FGF12: variants seen among roughly 807,000 people sequenced by gnomAD.
FGF12 encodes the protein fibroblast growth factor 12.
A neutral mutation model predicts 23.6 loss-of-function variants in FGF12; 14 were observed. The ratio of observed to expected loss-of-function variants is 0.59; its 90% CI spans 0.39 to 0.93. The LOEUF is 0.93. FGF12 is among the 40% of genes least tolerant of loss of function. The probability of loss-of-function intolerance (pLI) is 0.00; values close to 1 mark genes in which losing one functional copy is unlikely to be tolerated. For missense variants in FGF12, 175 were observed against 217.8 expected, an observed-to-expected ratio of 0.80 and a Z score of 1.24; for synonymous variants, 62 against 77.3, an observed-to-expected ratio of 0.80 and a Z score of 1.04.
intron 4 of FGF12, among the ~76,000 whole-genome samples, chr3:192,334,411 T>C (rs2108697950): frequency 6.6e-6 from 1 of 152,232 alleles, no homozygotes; most frequent in East Asian, 1.9e-4. Context: ...AATAACCTTG[T>C]GCTATTTACT....
At chr3:192,711,336 A>G (rs1325879521) in intron 2 of FGF12, among the ~76,000 whole-genome samples, 1 of 150,914 alleles carries the variant, frequency 6.6e-6, no homozygotes, top group African/African-American at 2.4e-5. Context: ...GGTGGGGGGC[A>G]TCTCCGCCCA....
chr3:192,203,848 C>A (rs1008405679), intron 4 of FGF12, among the ~76,000 whole-genome samples: 36 of 152,082 alleles, frequency 2.4e-4, no homozygotes, highest in Admixed American at 2.4e-3. Flanking sequence ...AAAAAATCCT[C>A]CTGCTTTATA....
chr3:192,653,720 C>CTTTT (rs34906808), intron 2 of FGF12, among the ~76,000 whole-genome samples: 74,162 of 140,334 alleles, frequency 0.53, 20,038 homozygotes, highest in East Asian at 0.66. Context: ...TCATTTGAGG[C>CTTTT]TTTTTTTTTT....
chr3:192,645,766 G>GT (rs2108670415), intron 2 of FGF12, among the ~76,000 whole-genome samples: 1 of 23,712 alleles, frequency 4.2e-5, no homozygotes, highest in Non-Finnish European at 8.3e-5. Context: ...GACAAAACAG[G>GT]TAAAAAAAAA....
chr3:192,476,362 G>A (rs1723323869), intron 2 of FGF12, among the ~76,000 whole-genome samples: 1 of 152,106 alleles, frequency 6.6e-6, no homozygotes, highest in Admixed American at 6.5e-5. Context: ...AAAAGTGGCA[G>A]AATCTAAATG....
rs914667236 is a variant in FGF12 at position 192,380,248 on chromosome 3, C to T, written c.14-19710G>A. Among the ~76,000 whole-genome samples the T allele has an allele frequency of 2.0e-5, 3 of 152,156 alleles. 1 individual carries two copies. The highest frequency in any genetic ancestry group is 4.4e-5 in the Non-Finnish European group (3 of 68,028). ...TACAATTTACTGCACTGCAGATAAACCTTTAGGCAAAGCATATTTCATCTG... is the reference window on the plus strand; with the variant it reads ...TACAATTTACTGCACTGCAGATAAATCTTTAGGCAAAGCATATTTCATCTG... On this transcript the variant is annotated intron_variant, in intron 2 of 5. Transcript: ENST00000445105.
chr3:192,281,675 CAA>C (rs776742331), intron 4 of FGF12, among the ~76,000 whole-genome samples: 5 of 152,022 alleles, frequency 3.3e-5, no homozygotes, highest in Non-Finnish European at 5.9e-5. Flanking sequence ...AACACATGGG[CAA>C]ACAGTTTTCA....
At chr3:192,319,433 C>T (rs1716412610) in intron 4 of FGF12, among the ~76,000 whole-genome samples, 1 of 151,936 alleles carries the variant, frequency 6.6e-6, no homozygotes. Context: ...TTCGCCTCTA[C>T]TAAAAATACA....
At chr3:192,305,415 A>C (rs1715567986) in intron 4 of FGF12, among the ~76,000 whole-genome samples, 1 of 151,940 alleles carries the variant, frequency 6.6e-6, no homozygotes, top group African/African-American at 2.4e-5. Context: ...ATACACGTCG[A>C]GCTGCCCTTT....
At chr3:192,576,254 C>G (rs1712878173) in intron 2 of FGF12, among the ~76,000 whole-genome samples, 1 of 152,108 alleles carries the variant, frequency 6.6e-6, no homozygotes, top group Non-Finnish European at 1.5e-5. Flanking sequence ...ATATGTAAAA[C>G]AATTTCATAT....
At chr3:192,576,402 A>G (rs1443677687) in intron 2 of FGF12, among the ~76,000 whole-genome samples, 1 of 152,200 alleles carries the variant, frequency 6.6e-6, no homozygotes, top group Non-Finnish European at 1.5e-5. Flanking sequence ...TTTTAGAACA[A>G]CTGACTCTAA....
intron 2 of FGF12, among the ~76,000 whole-genome samples, chr3:192,620,362 C>A (rs955162928): frequency 2.0e-5 from 3 of 152,122 alleles, no homozygotes; most frequent in African/African-American, 7.2e-5. Flanking sequence ...TTACAGTAAT[C>A]GGAGAGTTTG....
chr3:192,405,518 C>A (rs1257897370), intron 2 of FGF12, among the ~76,000 whole-genome samples: 1 of 151,152 alleles, frequency 6.6e-6, no homozygotes, highest in East Asian at 1.9e-4. Flanking sequence ...TTTATCAGGA[C>A]AAATTATTCC....
intron 2 of FGF12, among the ~76,000 whole-genome samples, chr3:192,723,559 T>C (rs563806660): frequency 6.6e-6 from 1 of 152,154 alleles, no homozygotes; most frequent in South Asian, 2.1e-4. Context: ...TCTAACAAGC[T>C]CCCAGGTGAT....
intron 2 of FGF12, among the ~76,000 whole-genome samples, chr3:192,719,877 T>A (rs1225974816): frequency 1.1e-4 from 16 of 152,066 alleles, no homozygotes. Flanking sequence ...CCCAAGTATC[T>A]GAAAAGAAAT....
chr3:192,437,919 T>C (rs1316148026), intron 2 of FGF12, among the ~76,000 whole-genome samples: 1 of 152,188 alleles, frequency 6.6e-6, no homozygotes, highest in African/African-American at 2.4e-5. Context: ...CTTCCTTCTT[T>C]TGTCCCTGAA....
intron 4 of FGF12, among the ~76,000 whole-genome samples, chr3:192,177,713 TTTCA>T (rs1715939608): frequency 6.6e-6 from 1 of 152,216 alleles, no homozygotes; most frequent in South Asian, 2.1e-4. Context: ...GCATGTCCCA[TTTCA>T]AATCCTTCAC....
chr3:192,430,241 T>C (rs1355152025), intron 2 of FGF12, among the ~76,000 whole-genome samples: 1 of 152,112 alleles, frequency 6.6e-6, no homozygotes, highest in African/African-American at 2.4e-5. Flanking sequence ...GAGGGCATTA[T>C]GCCACATGAA....
chr3:192,442,746 G>A (rs1210848896), intron 2 of FGF12, among the ~76,000 whole-genome samples: 1 of 151,668 alleles, frequency 6.6e-6, no homozygotes, highest in Non-Finnish European at 1.5e-5. Context: ...ACTGAGATGA[G>A]CCCTAGCTAA....
Sources: allele counts gnomAD v4.1 joint callset (sites outside exome capture counted in the v4.1 genomes callset), GRCh38; gene constraint gnomAD v4.1.1; transcripts MANE v1.5; gene names NCBI Gene and HGNC (gene_info 2026-07-23, HGNC 2026-07-21).